Variants in ST7 observed in about 807,000 individuals in gnomAD.
The protein encoded by ST7 is suppression of tumorigenicity 7, also known as suppressor of tumorigenicity 7 protein.
In ST7, 28 loss-of-function variants were observed where a neutral mutation model predicts 78.7. The ratio of observed to expected loss-of-function variants is 0.36; its 90% confidence interval spans 0.26 to 0.49. ST7 has a LOEUF of 0.49. Among genes scored for constraint, ST7 ranks in the 20% least tolerant of loss-of-function variants. The probability of loss-of-function intolerance (pLI) is 0.99; values close to 1 mark genes in which losing one functional copy is unlikely to be tolerated. For synonymous variants in ST7, 247 were observed against 249.6 expected, an observed-to-expected ratio of 0.99 and a Z score of 0.10; for missense variants, 418 against 696.0, an observed-to-expected ratio of 0.60 and a Z score of 4.49.
At position 116,991,550 on chromosome 7, in the gene ST7, G is replaced by A. The variant is rs142681149; in HGVS notation, c.151+37859G>A. On this transcript the variant is annotated intron_variant, in intron 1 of 15. Transcript: ENST00000323984. Reference sequence around the variant, plus strand: ...CCAAGAGAACAATATGGGTGAAACCGCCCCCATGATTCAAATTATCTCCTA... The same window carrying A: ...CCAAGAGAACAATATGGGTGAAACCACCCCCATGATTCAAATTATCTCCTA... Among the ~76,000 whole-genome samples the A allele has an allele frequency of 3.2e-4, 48 of 152,090 alleles. 2 individuals carry two copies. The East Asian group carries it at 7.0e-3, about 22-fold the overall frequency.
intron 9 of ST7, among the ~76,000 whole-genome samples, chr7:117,161,132 A>G (rs1161104036): frequency 6.6e-6 from 1 of 152,032 alleles, no homozygotes; most frequent in Non-Finnish European, 1.5e-5. Flanking sequence ...ACACCACCAT[A>G]AATAGCTACA....
At chr7:116,973,862 A>G (rs1469141551) in intron 1 of ST7, among the ~76,000 whole-genome samples, 1 of 152,216 alleles carries the variant, frequency 6.6e-6, no homozygotes, top group Non-Finnish European at 1.5e-5. Context: ...ACCATGGCAT[A>G]TCCATTTTAC....
intron 1 of ST7, among the ~76,000 whole-genome samples, chr7:117,031,845 T>TGTGTGTATATATATG (rs1457138758): frequency 2.0e-5 from 2 of 101,974 alleles, no homozygotes; most frequent in East Asian, 1.2e-3. Flanking sequence ...TATATCTATA[T>TGTGTGTATATATATG]CTATATCTAT....
At chr7:116,958,283 G>A (rs1792632534) in intron 1 of ST7, among the ~76,000 whole-genome samples, 3 of 143,578 alleles carry the variant, frequency 2.1e-5, no homozygotes, top group African/African-American at 5.2e-5. Flanking sequence ...GTGAGCCACC[G>A]TGCCTGGTCA....
chr7:116,956,425 CTG>C lies in ST7; in HGVS notation c.151+2737_151+2738del, dbSNP rs756891631. 7.6e-4 allele frequency: 356 copies of C among 470,000 alleles called. 7 individuals are homozygous for C. In the Admixed American group the frequency reaches 8.3e-3, roughly 11 times the overall value. 29.1% of individuals were successfully genotyped at this position (470,000 alleles called of 1,614,324 possible). ...GGACTAACTTTGCTGTTCTTCAGCC[CTG>C]TGGTGCTTACTCTTCCTGTGATGAA... On this transcript the variant is annotated intron_variant, in intron 1 of 15. Coordinates refer to ENST00000323984, the MANE Select transcript of ST7 (RefSeq NM_001369598.1).
intron 1 of ST7, among the ~76,000 whole-genome samples, chr7:116,989,505 C>A (rs1006428243): frequency 1.3e-5 from 2 of 151,762 alleles, no homozygotes; most frequent in Non-Finnish European, 2.9e-5. Flanking sequence ...AACATCTTAT[C>A]TCTCTGAGTT....
At chr7:117,210,043 T>G (rs754306971) in intron 13 of ST7, 106 bp downstream of exon 13, 49 of 1,329,384 alleles carry the variant, frequency 3.7e-5, no homozygotes, top group Non-Finnish European at 4.8e-5. Context: ...TGTACTGCTC[T>G]TGTGTTCTGT....
At chr7:117,223,060 A>G in intron 15 of ST7, 1 of 1,024,034 alleles carries the variant, frequency 9.8e-7, no homozygotes, top group East Asian at 2.4e-5. Context: ...CCCGTTGCTC[A>G]AGCCGGAAAC....
chr7:117,134,732 A>C (rs566578992), intron 7 of ST7, among the ~76,000 whole-genome samples: 1 of 152,170 alleles, frequency 6.6e-6, no homozygotes, highest in South Asian at 2.1e-4. Flanking sequence ...TTCTCCAGTG[A>C]ATCACTTGTA....
At chr7:117,168,618 C>G (rs1807746354) in intron 9 of ST7, among the ~76,000 whole-genome samples, 1 of 152,190 alleles carries the variant, frequency 6.6e-6, no homozygotes, top group African/African-American at 2.4e-5. Flanking sequence ...TTATTCACCT[C>G]CTTTATCAAC....
In ST7 at chr7:116,953,684, G is replaced by T; in HGVS notation, c.144G>T (p.Leu48Phe). 1 of 1,489,146 alleles carries T rather than the reference G, an allele frequency of 6.7e-7. No individual in the cohort carries two copies. Among genetic ancestry groups the T allele is most frequent in the Non-Finnish European group, 9.0e-7 (1 of 1,105,028 alleles). 92.2% of individuals were successfully genotyped at this position (1,489,146 alleles called of 1,614,324 possible). The change falls in exon 1 of 16, where the codon TTG becomes TTT. Residue 48 changes from leucine (L) to phenylalanine (F), a missense_variant. This residue lies in a region of ST7 where 71 missense variants were observed against 61.5 expected (regional missense o/e 1.16). Coordinates refer to ENST00000323984, the MANE Select transcript of ST7 (RefSeq NM_001369598.1). Reference protein sequence around the residue: ...LRVPLKINDNLSTVSMFLNTL... With the variant: ...LRVPLKINDNFSTVSMFLNTL... ...TGCCTTTGAAAATCAACGACAACTT[G>T]AGCACAGGTAAGGCCTGGGAGCCGG...
chr7:117,084,833 C>T (rs1305451139), intron 1 of ST7, among the ~76,000 whole-genome samples: 2 of 152,162 alleles, frequency 1.3e-5, no homozygotes, highest in African/African-American at 4.8e-5. Context: ...AAAAATTTCT[C>T]AGGAACCAGG....
intron 1 of ST7, among the ~76,000 whole-genome samples, chr7:117,040,485 A>G (rs766079129): frequency 5.3e-5 from 8 of 152,310 alleles, no homozygotes; most frequent in Middle Eastern, 3.4e-3. Context: ...CCCCTAATAC[A>G]CTGCCTTCCT....
intron 1 of ST7, among the ~76,000 whole-genome samples, chr7:117,009,911 G>T (rs991614302): frequency 7.9e-5 from 12 of 152,194 alleles, no homozygotes; most frequent in African/African-American, 2.7e-4. Flanking sequence ...TGCAGCCACT[G>T]AGAACCGGGG....
At chr7:117,099,072 A>AAAAAAAAAAAAAAAAAAT (rs1801364118) in intron 1 of ST7, among the ~76,000 whole-genome samples, 1 of 149,364 alleles carries the variant, frequency 6.7e-6, no homozygotes, top group Admixed American at 6.7e-5. Context: ...AAAACAAAAA[A>AAAAAAAAAAAAAAAAAAT]AAAAGAAGAA....
chr7:117,077,047 G>A (rs1041362981), intron 1 of ST7, among the ~76,000 whole-genome samples: 4 of 152,148 alleles, frequency 2.6e-5, no homozygotes, highest in Admixed American at 6.5e-5. Context: ...GGGGACAGGG[G>A]GCTATGTAAT....
At chr7:117,210,887 G>A (rs1323806522) in intron 13 of ST7, among the ~76,000 whole-genome samples, 1 of 152,146 alleles carries the variant, frequency 6.6e-6, no homozygotes, top group African/African-American at 2.4e-5. Flanking sequence ...TTCCACCCAT[G>A]GGAAACTAAA....
Position 117,018,591 on chromosome 7 carries a change from T to C in ST7, c.151+64900T>C, listed in dbSNP as rs571474867. On this transcript the variant is annotated intron_variant, in intron 1 of 15. Transcript: ENST00000323984. ...TATTCATTGTTCAAGAAAGAGGCATTATCGTAGTGTGCTTAAGAGCATTGC... is the reference window on the plus strand; with the variant it reads ...TATTCATTGTTCAAGAAAGAGGCATCATCGTAGTGTGCTTAAGAGCATTGC... Among the ~76,000 whole-genome samples the C allele has an allele frequency of 3.3e-5, 5 of 152,298 alleles. No individual in the cohort carries two copies. The East Asian group carries it at 9.6e-4, about 29-fold the overall frequency.
At chr7:117,137,683 A>G (rs1804904020) in intron 8 of ST7, among the ~76,000 whole-genome samples, 1 of 152,198 alleles carries the variant, frequency 6.6e-6, no homozygotes, top group African/African-American at 2.4e-5. Context: ...TTAATCTATA[A>G]CAGGTGTGTC....
Sources: allele counts gnomAD v4.1 joint callset (sites outside exome capture counted in the v4.1 genomes callset), GRCh38; gene constraint gnomAD v4.1.1; regional missense constraint gnomAD v4.1.1; transcripts MANE v1.5; gene names NCBI Gene and HGNC (gene_info 2026-07-23, HGNC 2026-07-21).